The following PRKAR1A variants were observed in gnomAD, a reference collection of about 807,000 sequenced individuals.
The protein encoded by PRKAR1A is protein kinase cAMP-dependent type I regulatory subunit alpha, also known as cAMP-dependent protein kinase type I-alpha regulatory subunit.
Under a neutral mutation model 52.0 loss-of-function variants are expected in PRKAR1A, and 3 were observed. The ratio of observed to expected loss-of-function variants is 0.06; its 90% CI spans 0.03 to 0.15. PRKAR1A has a LOEUF of 0.15. Among genes scored for constraint, PRKAR1A ranks in the 10% least tolerant of loss-of-function variants. The probability of loss-of-function intolerance (pLI) is 1.00; values close to 1 mark genes in which losing one functional copy is unlikely to be tolerated. For missense variants in PRKAR1A, 240 were observed against 477.4 expected, an observed-to-expected ratio of 0.50 and a Z score of 4.63; for synonymous variants, 188 against 168.4, an observed-to-expected ratio of 1.12 and a Z score of -0.90.
At chr17:68,509,115 A>C (rs144025004), upstream of PRKAR1A, among the ~76,000 whole-genome samples, 4 of 152,120 alleles carry the variant, frequency 2.6e-5, no homozygotes, top group East Asian at 7.7e-4. Context: ...ATTTCTGCTT[A>C]TCACTCATGT....
the PRKAR1A span, among the ~76,000 whole-genome samples, chr17:68,442,343 T>A: frequency 6.6e-6 from 1 of 151,724 alleles, no homozygotes; most frequent in Non-Finnish European, 1.5e-5. Context: ...TAGGCACCTG[T>A]AGTCCCAGCT....
chr17:68,474,087 T>C, the PRKAR1A span, among the ~76,000 whole-genome samples: 1 of 152,222 alleles, frequency 6.6e-6, no homozygotes, highest in African/African-American at 2.4e-5. Flanking sequence ...TCATACTCAG[T>C]TGATCATTGA....
downstream of PRKAR1A, chr17:68,535,589 C>G: frequency 2.2e-6 from 1 of 453,974 alleles, no homozygotes; most frequent in Non-Finnish European, 4.4e-6. Context: ...GTGGGGAGCC[C>G]TATGCTGCAG....
the PRKAR1A span, among the ~76,000 whole-genome samples, chr17:68,452,032 C>CT: frequency 6.6e-6 from 1 of 152,132 alleles, no homozygotes. Context: ...TACTGAACCA[C>CT]TTTTTTTCCA....
the PRKAR1A span, among the ~76,000 whole-genome samples, chr17:68,459,914 G>A: frequency 1.3e-5 from 2 of 150,478 alleles, no homozygotes; most frequent in South Asian, 2.1e-4. Flanking sequence ...TCTCCATCCC[G>A]GGTTCAAGCG....
At chr17:68,434,558 T>C in the PRKAR1A span, 1 of 1,613,836 alleles carries the variant, frequency 6.2e-7, no homozygotes. Context: ...ACACAGACCT[T>C]TTCATCCCTC....
intron 2 of PRKAR1A, among the ~76,000 whole-genome samples, chr17:68,519,312 G>A (rs982475740): frequency 6.6e-6 from 1 of 152,160 alleles, no homozygotes; most frequent in Non-Finnish European, 1.5e-5. Flanking sequence ...GTTCCTCATG[G>A]CTGGGCAGGC....
chr17:68,433,760 G>GTTTTTTTTTTTTTTTTTTT, the PRKAR1A span, among the ~76,000 whole-genome samples: 1 of 72,814 alleles, frequency 1.4e-5, no homozygotes, highest in Non-Finnish European at 2.3e-5. Context: ...AAGGGTCATA[G>GTTTTTTTTTTTTTTTTTTT]TTTTTTTTTT....
chr17:68,423,387 G>A, the PRKAR1A span, among the ~76,000 whole-genome samples: 3 of 152,176 alleles, frequency 2.0e-5, no homozygotes, highest in Non-Finnish European at 1.5e-5. The surrounding 1 kb of genome is among the most constrained non-coding windows in gnomAD (Gnocchi z 4.4). Flanking sequence ...TACTGAGACA[G>A]TGCCTTAGTG....
At chr17:68,477,073 T>C in the PRKAR1A span, among the ~76,000 whole-genome samples, 2 of 152,260 alleles carry the variant, frequency 1.3e-5, no homozygotes, top group Admixed American at 6.5e-5. Context: ...ACAAGGACTT[T>C]CATTGTCTTG....
chr17:68,430,943 A>G, the PRKAR1A span, among the ~76,000 whole-genome samples: 10 of 152,258 alleles, frequency 6.6e-5, no homozygotes, highest in East Asian at 1.9e-3. Context: ...ATTCTTTACT[A>G]TGCTACCAAT....
In PRKAR1A at chr17:68,515,260, C is replaced by T. The variant is rs1600461188; in HGVS notation, c.-6-134C>T. ...ATATTTTATTCCCTAGTCCCCACTT[C>T]CCTGTTTAAAAACAAAATCTACTTA... On this transcript the variant is annotated intron_variant, in intron 1 of 10. Transcript: ENST00000589228. 7 of 899,142 alleles carry T rather than the reference C, an allele frequency of 7.8e-6. No homozygotes were observed. In the East Asian group the frequency reaches 1.8e-4, roughly 24 times the overall value. 55.7% of individuals were successfully genotyped at this position (899,142 alleles called of 1,614,324 possible).
chr17:68,447,080 A>G, the PRKAR1A span, among the ~76,000 whole-genome samples: 1 of 152,136 alleles, frequency 6.6e-6, no homozygotes, highest in African/African-American at 2.4e-5. Context: ...TTTGAATTTC[A>G]TCTACTTTTC....
the PRKAR1A span, chr17:68,435,609 A>C: frequency 1.9e-6 from 3 of 1,613,650 alleles, no homozygotes; most frequent in Non-Finnish European, 2.5e-6. Context: ...TGTTGGTGGG[A>C]GTGGACTCAC....
chr17:68,413,840 G>T, the PRKAR1A span: 2 of 153,066 alleles, frequency 1.3e-5, no homozygotes, highest in African/African-American at 4.8e-5. Flanking sequence ...AAGCCTGTCG[G>T]AAAAGCGCAG....
intron 2 of PRKAR1A, among the ~76,000 whole-genome samples, chr17:68,518,812 C>CAA (rs1310687400): frequency 1.3e-5 from 2 of 152,228 alleles, no homozygotes; most frequent in African/African-American, 4.8e-5. Flanking sequence ...TGTCAGGCTG[C>CAA]AAATTTTTCA....
At chr17:68,430,009 A>C in the PRKAR1A span, 1 of 1,614,086 alleles carries the variant, frequency 6.2e-7, no homozygotes, top group African/African-American at 1.3e-5. Context: ...GAGAGGGTAC[A>C]GATGTTCCTC....
At chr17:68,436,521 GGA>G in the PRKAR1A span, 633 of 1,585,852 alleles carry the variant, frequency 4.0e-4, 4 homozygotes, top group East Asian at 0.011. Context: ...TGGGGCCAAG[GGA>G]GAGATTGCAC....
chr17:68,465,398 T>C, the PRKAR1A span, among the ~76,000 whole-genome samples: 2 of 152,112 alleles, frequency 1.3e-5, no homozygotes, highest in African/African-American at 4.8e-5. Context: ...TGCACAGATG[T>C]CTGGAGACAG....
Sources: allele counts gnomAD v4.1 joint callset (sites outside exome capture counted in the v4.1 genomes callset), GRCh38; gene constraint gnomAD v4.1.1; non-coding constraint Gnocchi (gnomAD v3.1); transcripts MANE v1.5; gene names NCBI Gene and HGNC (gene_info 2026-07-23, HGNC 2026-07-21).